Variants in CCSER1 observed in about 807,000 individuals in gnomAD.
CCSER1 encodes serine-rich coiled-coil domain-containing protein 1.
In CCSER1, 41 loss-of-function variants were observed where a neutral mutation model predicts 82.0. The ratio of observed to expected loss-of-function variants is 0.50; its 90% CI spans 0.39 to 0.65. The LOEUF (loss-of-function observed/expected upper bound fraction) is 0.65. Among genes scored for constraint, CCSER1 ranks in the 30% least tolerant of loss-of-function variants. The pLI is 0.00. For synonymous variants in CCSER1, 414 were observed against 383.9 expected (o/e 1.08, Z -0.92); for missense variants, 1,119 against 1,064.2 (o/e 1.05, Z -0.72).
intron 1 of CCSER1, among the ~76,000 whole-genome samples, chr4:90,292,456 T>C (rs939033613): frequency 6.6e-6 from 1 of 151,954 alleles, no homozygotes; most frequent in Non-Finnish European, 1.5e-5. Flanking sequence ...AGAAATTATA[T>C]CCACAAATAT....
chr4:91,377,806 A>C (rs2149332585), intron 10 of CCSER1, among the ~76,000 whole-genome samples: 1 of 152,246 alleles, frequency 6.6e-6, no homozygotes, highest in Middle Eastern at 3.4e-3. Flanking sequence ...TTGGTGTTTT[A>C]GACATGAAGT....
At position 91,307,743 on chromosome 4, in the gene CCSER1, C is replaced by T. The variant is rs1339494714; in HGVS notation, c.2217+221749C>T. On this transcript the variant is annotated intron_variant, in intron 10 of 10. Coordinates refer to ENST00000509176, the MANE Select transcript of CCSER1 (RefSeq NM_001145065.2). ...AACAGTATAACTGCTTAAATAGAAA[C>T]CATAAGAAGTTCTTTTGGTACAATA... Among the ~76,000 whole-genome samples the T allele has an allele frequency of 4.6e-5, 7 of 151,862 alleles. 1 individual carries two copies. The East Asian group carries it at 1.4e-3, about 29-fold the overall frequency.
At chr4:91,433,308 G>C (rs1354635584) in intron 10 of CCSER1, among the ~76,000 whole-genome samples, 1 of 152,116 alleles carries the variant, frequency 6.6e-6, no homozygotes, top group Non-Finnish European at 1.5e-5. Flanking sequence ...TAGTGACACT[G>C]TGGCCATCAT....
At chr4:90,474,235 G>C (rs1042531997) in intron 5 of CCSER1, among the ~76,000 whole-genome samples, 4 of 152,054 alleles carry the variant, frequency 2.6e-5, no homozygotes, top group African/African-American at 9.7e-5. Flanking sequence ...ACATAGCCAA[G>C]GAGGTCAGGT....
intron 10 of CCSER1, among the ~76,000 whole-genome samples, chr4:91,417,337 C>T (rs1444360381): frequency 2.0e-5 from 3 of 152,106 alleles, no homozygotes; most frequent in Non-Finnish European, 4.4e-5. Flanking sequence ...AATCCCATTA[C>T]TCAGTACATA....
intron 10 of CCSER1, among the ~76,000 whole-genome samples, chr4:91,426,899 TA>T (rs1754016420): frequency 6.6e-6 from 1 of 152,164 alleles, no homozygotes; most frequent in South Asian, 2.1e-4. Flanking sequence ...GACACTCATA[TA>T]AGTGATTCAG....
chr4:90,520,268 T>C (rs999316433), intron 5 of CCSER1, among the ~76,000 whole-genome samples: 3 of 151,678 alleles, frequency 2.0e-5, no homozygotes, highest in Non-Finnish European at 2.9e-5. Context: ...TGTGTATATA[T>C]AGCAATTATA....
At chr4:91,510,234 T>G (rs1759746686) in intron 10 of CCSER1, among the ~76,000 whole-genome samples, 1 of 152,214 alleles carries the variant, frequency 6.6e-6, no homozygotes, top group African/African-American at 2.4e-5. Flanking sequence ...ATGTGTTACA[T>G]TTTATTTTCC....
chr4:90,522,950 T>A (rs1375169228), intron 5 of CCSER1, among the ~76,000 whole-genome samples: 1 of 152,134 alleles, frequency 6.6e-6, no homozygotes, highest in Admixed American at 6.6e-5. Flanking sequence ...ATGATACTAT[T>A]GGCTGCTCAT....
intron 10 of CCSER1, among the ~76,000 whole-genome samples, chr4:91,247,514 C>A (rs1203067950): frequency 6.6e-6 from 1 of 152,222 alleles, no homozygotes; most frequent in East Asian, 1.9e-4. Context: ...GACCTAGAGG[C>A]AATGACACAC....
chr4:90,903,749 A>G (rs921375636), intron 8 of CCSER1, among the ~76,000 whole-genome samples: 18 of 151,766 alleles, frequency 1.2e-4, no homozygotes, highest in African/African-American at 2.9e-4. Context: ...GAGGCAGGAT[A>G]ATCACTTGAA....
chr4:91,440,585 C>G (rs1755051867), intron 10 of CCSER1, among the ~76,000 whole-genome samples: 1 of 152,068 alleles, frequency 6.6e-6, no homozygotes, highest in African/African-American at 2.4e-5. Flanking sequence ...CAAACACATT[C>G]AAAAGCTAGG....
intron 9 of CCSER1, among the ~76,000 whole-genome samples, chr4:91,058,329 T>C (rs1056053438): frequency 6.6e-6 from 1 of 152,074 alleles, no homozygotes; most frequent in Non-Finnish European, 1.5e-5. Flanking sequence ...AACAAGATAA[T>C]GTTCTTTACA....
intron 5 of CCSER1, among the ~76,000 whole-genome samples, chr4:90,623,849 CAGAT>C (rs2148892609): frequency 6.6e-6 from 1 of 152,234 alleles, no homozygotes; most frequent in South Asian, 2.1e-4. Context: ...GGTCCTTAAA[CAGAT>C]AGTTTCTGTT....
At chr4:91,045,867 T>C (rs62311025) in intron 9 of CCSER1, among the ~76,000 whole-genome samples, 56,371 of 117,856 alleles carry the variant, frequency 0.48, 11,558 homozygotes, top group East Asian at 0.68. Context: ...TGGGTGCAGG[T>C]GGGCTGAGTC....
chr4:91,172,313 A>C (rs1348874488), intron 10 of CCSER1, among the ~76,000 whole-genome samples: 1 of 152,230 alleles, frequency 6.6e-6, no homozygotes, highest in Non-Finnish European at 1.5e-5. Context: ...TACAGAGAGA[A>C]AAAAGGAGAG....
At chr4:91,403,988 T>C (rs1043339105) in intron 10 of CCSER1, among the ~76,000 whole-genome samples, 1 of 152,206 alleles carries the variant, frequency 6.6e-6, no homozygotes, top group African/African-American at 2.4e-5. Flanking sequence ...CTCCTCTTTG[T>C]ACCTCTGGTA....
At chr4:90,705,268 A>G (rs777255298) in intron 6 of CCSER1, among the ~76,000 whole-genome samples, 84 of 152,190 alleles carry the variant, frequency 5.5e-4, no homozygotes, top group Admixed American at 4.2e-3. Flanking sequence ...GGTATCAGCA[A>G]CAGAGGCTGC....
chr4:91,491,622 T>C (rs1212962756), intron 10 of CCSER1, among the ~76,000 whole-genome samples: 4 of 152,096 alleles, frequency 2.6e-5, no homozygotes, highest in African/African-American at 9.6e-5. Context: ...TTTAAAAACT[T>C]ATTTACCTTA....
Sources: allele counts gnomAD v4.1 joint callset (sites outside exome capture counted in the v4.1 genomes callset), GRCh38; gene constraint gnomAD v4.1.1; transcripts MANE v1.5; gene names NCBI Gene and HGNC (gene_info 2026-07-23, HGNC 2026-07-21).